The following PDZD2 variants were observed in gnomAD, a reference collection of about 807,000 sequenced individuals.
PDZD2 encodes PDZ domain-containing protein 2.
A neutral mutation model predicts 220.7 loss-of-function variants in PDZD2; 90 were observed. That is an observed-to-expected ratio of 0.41 (90% CI 0.34 to 0.49). The LOEUF is 0.49. Ranked by LOEUF, PDZD2 falls within the 20% of genes least tolerant of loss-of-function variation. The probability of loss-of-function intolerance (pLI) is 0.28; values close to 1 mark genes in which losing one functional copy is unlikely to be tolerated. For synonymous variants in PDZD2, 1,375 were observed against 1,450.5 expected (o/e 0.95, Z 1.18); for missense variants, 3,174 against 3,608.5 (o/e 0.88, Z 3.08).
intron 19 of PDZD2, among the ~76,000 whole-genome samples, chr5:32,084,121 C>T (rs1417258569): frequency 1.3e-5 from 2 of 152,236 alleles, no homozygotes; most frequent in Non-Finnish European, 2.9e-5. Context: ...AAAGGTTGAG[C>T]AGAGAAGGAG....
rs1178501546 is a variant in PDZD2, at chr5:31,646,325, C to T, written c.-361+6888C>T. Among the ~76,000 whole-genome samples the T allele has an allele frequency of 2.6e-5, 4 of 151,982 alleles. No homozygotes were observed. Among genetic ancestry groups the T allele is most frequent in the Admixed American group, 2.0e-4 (3 of 15,258 alleles). On this transcript the variant is annotated intron_variant, in intron 1 of 24. Transcript: ENST00000438447. The surrounding 1 kb of genome is among the most constrained non-coding windows in gnomAD (Gnocchi z 4.7). Reference sequence around the variant, plus strand: ...ACAAGTTTGAACACCTAGTAATGCCCCTTACCCCTGAGGAATTCCAGGGAC... The same window carrying T: ...ACAAGTTTGAACACCTAGTAATGCCTCTTACCCCTGAGGAATTCCAGGGAC...
intron 1 of PDZD2, among the ~76,000 whole-genome samples, chr5:31,737,368 T>C (rs999065887): frequency 5.3e-5 from 8 of 152,084 alleles, no homozygotes; most frequent in East Asian, 3.9e-4. Flanking sequence ...GAGATGGGGT[T>C]TCACCGTGTT....
At chr5:31,681,231 GT>G (rs1300860726) in intron 1 of PDZD2, among the ~76,000 whole-genome samples, 3 of 152,080 alleles carry the variant, frequency 2.0e-5, no homozygotes, top group Admixed American at 6.6e-5. Context: ...CTTATAACAT[GT>G]TTTATTTGTT....
intron 1 of PDZD2, among the ~76,000 whole-genome samples, chr5:31,789,218 C>T (rs1390592158): frequency 6.6e-6 from 1 of 152,130 alleles, no homozygotes; most frequent in Non-Finnish European, 1.5e-5. Context: ...AAAAGAGACC[C>T]TATATGAAAG....
chr5:32,041,985 G>A (rs1756210867), intron 7 of PDZD2, among the ~76,000 whole-genome samples: 1 of 149,980 alleles, frequency 6.7e-6, no homozygotes, highest in African/African-American at 2.5e-5. Flanking sequence ...GGAGGCCGAG[G>A]TGGGCGGCTC....
chr5:32,013,840 G>C (rs1458389837), intron 6 of PDZD2, among the ~76,000 whole-genome samples: 1 of 152,064 alleles, frequency 6.6e-6, no homozygotes, highest in Non-Finnish European at 1.5e-5. Context: ...GTGGAACCGG[G>C]CTTCATGCCT....
At chr5:31,700,148 C>T (rs916124384) in intron 1 of PDZD2, among the ~76,000 whole-genome samples, 3 of 151,916 alleles carry the variant, frequency 2.0e-5, no homozygotes, top group East Asian at 1.9e-4. Flanking sequence ...TTGGGGGACA[C>T]GAGATGTGAG....
intron 1 of PDZD2, among the ~76,000 whole-genome samples, chr5:31,730,580 GT>G (rs1414240236): frequency 2.1e-3 from 238 of 115,386 alleles, no homozygotes; most frequent in African/African-American, 6.9e-3. Flanking sequence ...GTGTGTGTGT[GT>G]GTGTGTGTGT....
In PDZD2 at chr5:32,108,846, C is replaced by G. The variant is rs1745074813; in HGVS notation, c.*711C>G. 1 of 152,636 alleles carries G rather than the reference C, an allele frequency of 6.6e-6. No homozygotes were observed. The highest frequency in any genetic ancestry group is 2.4e-5 in the African/African-American group (1 of 41,456). 9.5% of individuals were successfully genotyped at this position (152,636 alleles called of 1,614,324 possible). A position where few individuals can be genotyped will look rare whatever the true frequency, so the allele number is the denominator to read the frequency against. ...ATGAAGTATTGATCATTTTCTATCT[C>G]AAAAGTGTAAGCCATAAGGCTGTTT... On this transcript the variant is annotated 3_prime_UTR_variant, in exon 25 of 25. Coordinates refer to ENST00000438447, the MANE Select transcript of PDZD2 (RefSeq NM_178140.4).
intron 2 of PDZD2, among the ~76,000 whole-genome samples, chr5:31,941,422 C>T (rs1178355250): frequency 6.6e-6 from 1 of 152,092 alleles, no homozygotes; most frequent in East Asian, 1.9e-4. Flanking sequence ...GGCAGGGGAG[C>T]AATAAAGACC....
intron 2 of PDZD2, among the ~76,000 whole-genome samples, chr5:31,865,710 T>C (rs749010635): frequency 7.3e-6 from 1 of 137,068 alleles, no homozygotes; most frequent in Non-Finnish European, 1.5e-5. Context: ...CTCGTCTCAC[T>C]GCAAGCTCCG....
chr5:31,735,080 T>C (rs574577100), intron 1 of PDZD2, among the ~76,000 whole-genome samples: 9 of 152,310 alleles, frequency 5.9e-5, no homozygotes, highest in Admixed American at 2.0e-4. Flanking sequence ...ACTGCTAATA[T>C]ACTTGCCCAG....
At chr5:32,026,897 GT>G (rs1754710862) in intron 6 of PDZD2, among the ~76,000 whole-genome samples, 1 of 151,900 alleles carries the variant, frequency 6.6e-6, no homozygotes, top group African/African-American at 2.4e-5. Context: ...TTTTTTTGTT[GT>G]TTTTGTTTTT....
intron 5 of PDZD2, among the ~76,000 whole-genome samples, chr5:32,003,528 GCACA>G (rs148162289): frequency 1.5e-4 from 17 of 112,076 alleles, no homozygotes; most frequent in Non-Finnish European, 2.1e-4. Flanking sequence ...ACACACACAC[GCACA>G]CACACACACA....
At chr5:31,760,776 G>A (rs1335679082) in intron 1 of PDZD2, among the ~76,000 whole-genome samples, 2 of 152,126 alleles carry the variant, frequency 1.3e-5, no homozygotes, top group Non-Finnish European at 2.9e-5. Context: ...TACAAAATTA[G>A]CCAGATGCGG....
chr5:32,046,189 A>G (rs1313585935), intron 7 of PDZD2, among the ~76,000 whole-genome samples: 1 of 152,230 alleles, frequency 6.6e-6, no homozygotes, highest in Non-Finnish European at 1.5e-5. Flanking sequence ...AAAATAACAT[A>G]ATATAGACTA....
chr5:32,109,357 A>ATGTT lies in PDZD2; in HGVS notation c.*1224_*1227dup. The ATGTT allele has an allele frequency of 6.6e-6, 1 of 152,312 alleles. No individual in the cohort carries two copies. Among genetic ancestry groups the ATGTT allele is most frequent in the African/African-American group, 2.4e-5 (1 of 41,558 alleles). 9.4% of individuals were successfully genotyped at this position (152,312 alleles called of 1,614,324 possible). On this transcript the variant is annotated 3_prime_UTR_variant, in exon 25 of 25. Coordinates refer to ENST00000438447, the MANE Select transcript of PDZD2 (RefSeq NM_178140.4). ...TTGCAATTTCCTCCTTTTGCCAAAA[A>ATGTT]TGTTTTCCTACAGAAGACTGTCGTG...
intron 2 of PDZD2, among the ~76,000 whole-genome samples, chr5:31,805,300 T>C (rs1269273498): frequency 1.3e-5 from 2 of 152,222 alleles, no homozygotes; most frequent in Non-Finnish European, 2.9e-5. Flanking sequence ...GCAATTTAGG[T>C]AGTAGGGAGT....
intron 2 of PDZD2, among the ~76,000 whole-genome samples, chr5:31,949,715 C>G (rs1747008756): frequency 6.8e-6 from 1 of 147,888 alleles, no homozygotes; most frequent in African/African-American, 2.5e-5. Flanking sequence ...CTCTGTCGCT[C>G]AGGCTGGAGT....
Sources: allele counts gnomAD v4.1 joint callset (sites outside exome capture counted in the v4.1 genomes callset), GRCh38; gene constraint gnomAD v4.1.1; non-coding constraint Gnocchi (gnomAD v3.1); transcripts MANE v1.5; gene names NCBI Gene and HGNC (gene_info 2026-07-23, HGNC 2026-07-21).